Variants in ANKRD36 observed in about 807,000 individuals in gnomAD.
The protein encoded by ANKRD36 is ankyrin repeat domain-containing protein 36A.
Under a neutral mutation model 278.1 loss-of-function variants are expected in ANKRD36, and 179 were observed. That is an observed-to-expected ratio of 0.64 (90% CI 0.57 to 0.73). The LOEUF (loss-of-function observed/expected upper bound fraction) is 0.73, where lower values mean the gene tolerates loss of function less well. Among genes scored for constraint, ANKRD36 ranks in the 30% least tolerant of loss-of-function variants. The pLI, the probability that ANKRD36 is intolerant of heterozygous loss-of-function variation, is 0.00. For missense variants in ANKRD36, 1,159 were observed against 1,956.7 expected, an observed-to-expected ratio of 0.59 and a Z score of 7.69; for synonymous variants, 320 against 641.1, an observed-to-expected ratio of 0.50 and a Z score of 7.57.
At chr2:97,220,481 A>G (rs1558886605) in intron 66 of ANKRD36, among the ~76,000 whole-genome samples, 2 of 151,340 alleles carry the variant, frequency 1.3e-5, no homozygotes, top group Non-Finnish European at 2.9e-5. Context: ...AAGGATTGAC[A>G]ACATGTGAAG....
rs191455070 is a variant in ANKRD36, at chr2:97,206,639, T to C, written c.3163+504T>C. On this transcript the variant is annotated intron_variant, in intron 52 of 75. Coordinates refer to ENST00000420699, the MANE Select transcript of ANKRD36 (RefSeq NM_001354587.1). Reference sequence around the variant, plus strand: ...AAAGAAGAAGTCATTTATATAATTTTGGGGTTTCTGCTGAGGAAACCTGAG... The same window carrying C: ...AAAGAAGAAGTCATTTATATAATTTCGGGGTTTCTGCTGAGGAAACCTGAG... Among the ~76,000 whole-genome samples, 67 of 151,586 alleles carry C rather than the reference T, an allele frequency of 4.4e-4. 3 individuals carry two copies. The highest frequency in any genetic ancestry group is 2.7e-3 in the Admixed American group (41 of 15,156).
chr2:97,152,454 T>G, intron 13 of ANKRD36, 50 bp from the exon 14 acceptor site: 2 of 1,360,722 alleles, frequency 1.5e-6, no homozygotes, highest in Admixed American at 2.1e-5. Context: ...TTTAGTATTC[T>G]ATAGTGTTCT....
intron 46 of ANKRD36, 77 bp downstream of exon 46, chr2:97,200,602 G>A: frequency 2.0e-6 from 3 of 1,523,322 alleles, no homozygotes; most frequent in Non-Finnish European, 2.6e-6. Flanking sequence ...TCAGTCGGGG[G>A]CTGGTTGAAG....
intron 6 of ANKRD36, among the ~76,000 whole-genome samples, chr2:97,137,767 T>A (rs1172070665): frequency 1.3e-5 from 2 of 152,122 alleles, no homozygotes; most frequent in Non-Finnish European, 2.9e-5. Context: ...CTCCAGCATC[T>A]GTTGTTTCCT....
At chr2:97,192,280 G>T (rs148505586) in intron 36 of ANKRD36, among the ~76,000 whole-genome samples, 1 of 151,692 alleles carries the variant, frequency 6.6e-6, no homozygotes. Flanking sequence ...ACATGGGTGT[G>T]AGAGATAATG....
At chr2:97,201,571 T>G (rs1389609609) in intron 46 of ANKRD36, among the ~76,000 whole-genome samples, 9 of 151,920 alleles carry the variant, frequency 5.9e-5, no homozygotes, top group African/African-American at 1.4e-4. Flanking sequence ...CTTTTGGAAG[T>G]CTAAACTAGT....
In ANKRD36 at chr2:97,179,884, T is replaced by G. The variant is rs1318998151; in HGVS notation, c.1686T>G (p.Ser562=). ...AEKATSDDKD[S]VSNIATEIKE... Reference sequence around the variant, plus strand: ...AGGCTACAAGTGACGACAAAGATTCTGTTTCAAATATAGCCACAGAAATAA... The same window carrying G: ...AGGCTACAAGTGACGACAAAGATTCGGTTTCAAATATAGCCACAGAAATAA... The change falls in exon 24 of 76, where the codon TCT becomes TCG. Residue 562 remains serine, a synonymous_variant. Coordinates refer to ENST00000420699, the MANE Select transcript of ANKRD36 (RefSeq NM_001354587.1). The G allele has an allele frequency of 6.2e-7, 1 of 1,605,520 alleles. No individual in the cohort carries two copies. Among genetic ancestry groups the G allele is most frequent in the Non-Finnish European group, 8.5e-7 (1 of 1,178,348 alleles).
chr2:97,217,515 C>G, intron 64 of ANKRD36, 143 bp downstream of exon 64: 1 of 1,072,892 alleles, frequency 9.3e-7, no homozygotes, highest in Admixed American at 2.8e-5. Context: ...ACTGAGTTGT[C>G]AGGTGTTGTT....
intron 66 of ANKRD36, 134 bp from the exon 67 acceptor site, chr2:97,224,672 G>A (rs1203221743): frequency 1.1e-5 from 11 of 1,002,560 alleles, no homozygotes; most frequent in Middle Eastern, 3.6e-4. Flanking sequence ...GGATGGTCTC[G>A]ATCTCCTGAC....
At position 97,140,679 on chromosome 2, in the gene ANKRD36, C is replaced by T. The variant is rs577571444; in HGVS notation, c.800-1961C>T. Among the ~76,000 whole-genome samples the T allele has an allele frequency of 9.2e-5, 14 of 152,128 alleles. No individual in the cohort carries two copies. The East Asian group carries it at 2.5e-3, about 27-fold the overall frequency. ...GTACACGTTAGTCAAGTGTCTGATA[C>T]ATTTAACATTTTAATAAAGCAAAAC... On this transcript the variant is annotated intron_variant, in intron 6 of 75. Coordinates refer to ENST00000420699, the MANE Select transcript of ANKRD36 (RefSeq NM_001354587.1).
intron 16 of ANKRD36, 64 bp from the exon 17 acceptor site, chr2:97,158,524 G>C (rs1208009488): frequency 4.4e-5 from 66 of 1,510,888 alleles, no homozygotes; most frequent in Non-Finnish European, 5.5e-5. Context: ...CCCACACCCG[G>C]TTCTTATTTC....
chr2:97,204,934 G>T (rs1244266568), intron 50 of ANKRD36, among the ~76,000 whole-genome samples: 1 of 151,386 alleles, frequency 6.6e-6, no homozygotes, highest in Non-Finnish European at 1.5e-5. Flanking sequence ...TTACTATTAG[G>T]CATCAGAGAT....
intron 22 of ANKRD36, among the ~76,000 whole-genome samples, chr2:97,171,857 G>A (rs1034461354): frequency 6.6e-6 from 1 of 151,986 alleles, no homozygotes; most frequent in East Asian, 1.9e-4. Context: ...ATTGGCATGG[G>A]CAAAGACTTC....
At chr2:97,210,004 A>G in intron 56 of ANKRD36, 132 bp downstream of exon 56, 1 of 1,386,872 alleles carries the variant, frequency 7.2e-7, no homozygotes, top group Non-Finnish European at 9.6e-7. Flanking sequence ...CTTCATTTCA[A>G]ATAAGTTCTT....
intron 34 of ANKRD36, among the ~76,000 whole-genome samples, chr2:97,190,388 A>G (rs62154805): frequency 1.3e-5 from 1 of 79,166 alleles, no homozygotes; most frequent in African/African-American, 2.8e-5. Context: ...AATTATTACA[A>G]CACATGGGTG....
At chr2:97,133,020 CA>C (rs938527877) in intron 6 of ANKRD36, among the ~76,000 whole-genome samples, 7 of 152,094 alleles carry the variant, frequency 4.6e-5, no homozygotes, top group African/African-American at 1.4e-4. Flanking sequence ...GAGTCAACCA[CA>C]TTGTTTATGC....
At chr2:97,233,460 A>G in intron 67 of ANKRD36, among the ~76,000 whole-genome samples, 1 of 151,772 alleles carries the variant, frequency 6.6e-6, no homozygotes, top group Non-Finnish European at 1.5e-5. Flanking sequence ...CAAGCTCAGG[A>G]AGACATTCTC....
chr2:97,218,073 A>G (rs1432729799), intron 64 of ANKRD36, among the ~76,000 whole-genome samples: 2 of 151,950 alleles, frequency 1.3e-5, no homozygotes, highest in African/African-American at 2.4e-5. Context: ...TCACACATAT[A>G]TTTTTTATTA....
At chr2:97,242,898 A>G (rs1318887285) in intron 69 of ANKRD36, among the ~76,000 whole-genome samples, 21 of 118,706 alleles carry the variant, frequency 1.8e-4, no homozygotes, top group East Asian at 5.6e-4. Context: ...AAACTTATGC[A>G]GGATGTTCTT....
Sources: gnomAD v4.1 joint callset for allele counts (sites outside exome capture counted in the v4.1 genomes callset) on GRCh38, gnomAD v4.1.1 for gene constraint, MANE v1.5 for transcripts, NCBI Gene and HGNC (gene_info 2026-07-23, HGNC 2026-07-21) for gene names.